The following PDE4B variants were observed in gnomAD, a reference collection of about 807,000 sequenced individuals.
PDE4B encodes the protein phosphodiesterase 4B.
In PDE4B, 20 loss-of-function variants were observed where a neutral mutation model predicts 82.2. The observed-to-expected ratio is 0.24, with a 90% CI of 0.17 to 0.35. The LOEUF is 0.35. Among genes scored for constraint, PDE4B ranks in the 10% least tolerant of loss-of-function variants. The pLI is 1.00. For synonymous variants in PDE4B, 320 were observed against 318.9 expected, an observed-to-expected ratio of 1.00 and a Z score of -0.04; for missense variants, 655 against 907.2, an observed-to-expected ratio of 0.72 and a Z score of 3.57.
intron 4 of PDE4B, among the ~76,000 whole-genome samples, chr1:66,255,458 G>A (rs1432109934): frequency 1.3e-5 from 2 of 152,178 alleles, no homozygotes; most frequent in African/African-American, 2.4e-5. Context: ...TAATATGAGC[G>A]TGGGAGGCCT....
rs545883907 is a variant in PDE4B, at chr1:66,005,610, C to T, written c.281+86775C>T. Among the ~76,000 whole-genome samples the T allele has an allele frequency of 5.9e-5, 9 of 152,236 alleles. No homozygotes were observed. The East Asian group carries it at 1.7e-3, about 29-fold the overall frequency. On this transcript the variant is annotated intron_variant, in intron 3 of 16. Coordinates refer to ENST00000341517, the MANE Select transcript of PDE4B (RefSeq NM_002600.4). ...ATTGAAAAGTGGTTATTCAAATCAA[C>T]TCACAGCTTAGTAACATTGAAAAAT...
chr1:66,111,510 C>T (rs1345117081), intron 3 of PDE4B, among the ~76,000 whole-genome samples: 1 of 152,082 alleles, frequency 6.6e-6, no homozygotes, highest in Non-Finnish European at 1.5e-5. Flanking sequence ...TAAGTAGACT[C>T]ATAGAATATT....
chr1:66,135,786 T>A (rs1286931721), intron 3 of PDE4B, among the ~76,000 whole-genome samples: 1 of 152,206 alleles, frequency 6.6e-6, no homozygotes, highest in Non-Finnish European at 1.5e-5. Flanking sequence ...TGGTCAATTT[T>A]TGCTCTCCAA....
At chr1:66,105,574 A>G (rs1645332204) in intron 3 of PDE4B, among the ~76,000 whole-genome samples, 1 of 152,190 alleles carries the variant, frequency 6.6e-6, no homozygotes, top group African/African-American at 2.4e-5. Flanking sequence ...ACCCATGAGC[A>G]TGGAATGTTG....
chr1:66,259,845 T>A (rs1487373350), intron 6 of PDE4B, among the ~76,000 whole-genome samples: 1 of 152,230 alleles, frequency 6.6e-6, no homozygotes, highest in African/African-American at 2.4e-5. Flanking sequence ...ATTCCTTCTC[T>A]ATGTTTTTTT....
Position 66,367,937 on chromosome 1 carries a change from C to T in PDE4B, c.1540-6C>T, listed in dbSNP as rs371241880. The T allele has an allele frequency of 5.0e-6, 8 of 1,613,138 alleles. No individual in the cohort carries two copies. Among genetic ancestry groups the T allele is most frequent in the Non-Finnish European group, 6.8e-6 (8 of 1,179,660 alleles). On this transcript the variant is annotated splice_polypyrimidine_tract_variant and splice_region_variant and intron_variant, in intron 14 of 16. Transcript: ENST00000341517. ...ATTAAGAGTTTTCATTTTCTTTTTA[C>T]CCAAGGTGTTAGCAACTGATATGTC...
chr1:66,030,354 T>C (rs1653703801), intron 3 of PDE4B, among the ~76,000 whole-genome samples: 1 of 152,182 alleles, frequency 6.6e-6, no homozygotes, highest in Non-Finnish European at 1.5e-5. Context: ...ATCAGGAAGA[T>C]GCTGGATTTG....
At chr1:66,234,400 C>T (rs6685779) in intron 3 of PDE4B, among the ~76,000 whole-genome samples, 23,727 of 151,998 alleles carry the variant, frequency 0.16, 4,039 homozygotes, top group African/African-American at 0.41. Context: ...GTGATTCTCC[C>T]GCTTCAGCCT....
chr1:65,853,167 G>A (rs1208698557), intron 1 of PDE4B, among the ~76,000 whole-genome samples: 5 of 151,588 alleles, frequency 3.3e-5, no homozygotes, highest in Admixed American at 6.6e-5. Flanking sequence ...TCCTTGTTTC[G>A]AAGTCTACCT....
intron 7 of PDE4B, among the ~76,000 whole-genome samples, chr1:66,312,079 C>T (rs962014614): frequency 2.0e-5 from 3 of 152,310 alleles, no homozygotes; most frequent in African/African-American, 7.2e-5. Flanking sequence ...ATAGTAAAAG[C>T]AGCTCCTTTT....
intron 1 of PDE4B, among the ~76,000 whole-genome samples, chr1:65,877,019 C>T (rs1298725433): frequency 6.6e-6 from 1 of 152,088 alleles, no homozygotes; most frequent in African/African-American, 2.4e-5. Context: ...ACCATGCTAC[C>T]ATTGACTTTC....
At chr1:66,313,815 C>T (rs1284464062) in intron 7 of PDE4B, among the ~76,000 whole-genome samples, 1 of 152,206 alleles carries the variant, frequency 6.6e-6, no homozygotes, top group Non-Finnish European at 1.5e-5. Context: ...GAGAAGGCAG[C>T]ACAGTGGCCT....
intron 3 of PDE4B, among the ~76,000 whole-genome samples, chr1:66,121,047 T>C (rs1210429333): frequency 6.6e-6 from 1 of 152,162 alleles, no homozygotes; most frequent in Non-Finnish European, 1.5e-5. Flanking sequence ...TTTTGTCCAC[T>C]CTCTAAAAAC....
intron 3 of PDE4B, among the ~76,000 whole-genome samples, chr1:66,147,935 C>G (rs1430139498): frequency 6.6e-6 from 1 of 152,134 alleles, no homozygotes; most frequent in Non-Finnish European, 1.5e-5. Context: ...AACATGTTTT[C>G]TCTTCTTTGG....
intron 3 of PDE4B, among the ~76,000 whole-genome samples, chr1:66,159,041 G>A (rs781358577): frequency 2.6e-5 from 4 of 152,142 alleles, no homozygotes; most frequent in African/African-American, 9.7e-5. Context: ...AAGGTGACAC[G>A]TAATAAAAAT....
At chr1:66,342,006 TAG>T (rs1661022605) in intron 8 of PDE4B, among the ~76,000 whole-genome samples, 1 of 152,188 alleles carries the variant, frequency 6.6e-6, no homozygotes, top group Non-Finnish European at 1.5e-5. Context: ...TCACAGCATA[TAG>T]AGACACATTT....
Position 66,332,494 on chromosome 1 carries a change from G to A in PDE4B, c.635-14G>A. On this transcript the variant is annotated splice_polypyrimidine_tract_variant and intron_variant, in intron 7 of 16. Coordinates refer to ENST00000341517, the MANE Select transcript of PDE4B (RefSeq NM_002600.4). ...CGCTCCAGCCTAACTACATGCCTGT[G>A]TGTTTGTTTGCAGAAGAATCTTATC... 6.2e-7 allele frequency: 1 copy of A among 1,614,178 alleles called. No homozygotes were observed. Among genetic ancestry groups the A allele is most frequent in the Non-Finnish European group, 8.5e-7 (1 of 1,180,040 alleles).
chr1:65,830,532 C>T (rs1193060573), intron 1 of PDE4B, among the ~76,000 whole-genome samples: 2 of 152,150 alleles, frequency 1.3e-5, no homozygotes, highest in African/African-American at 4.8e-5. Flanking sequence ...ATGAGAAGCA[C>T]ACTTCAACTC....
intron 3 of PDE4B, among the ~76,000 whole-genome samples, chr1:65,966,309 G>T (rs11799598): frequency 4.1e-4 from 62 of 152,212 alleles, no homozygotes; most frequent in African/African-American, 1.5e-3. Flanking sequence ...TTGCTACAAA[G>T]AGAATAAAAT....
Sources: gnomAD v4.1 joint callset for allele counts (sites outside exome capture counted in the v4.1 genomes callset) on GRCh38, gnomAD v4.1.1 for gene constraint, MANE v1.5 for transcripts, NCBI Gene and HGNC (gene_info 2026-07-23, HGNC 2026-07-21) for gene names.